PLD5: variants seen among roughly 807,000 people sequenced by gnomAD.
PLD5 encodes the protein phospholipase D family member 5.
A neutral mutation model predicts 61.1 loss-of-function variants in PLD5; 36 were observed. The observed-to-expected ratio is 0.59, with a 90% CI of 0.45 to 0.78. PLD5 has a LOEUF of 0.78. Ranked by LOEUF, PLD5 falls within the 30% of genes least tolerant of loss-of-function variation. The pLI is 0.00. For synonymous variants in PLD5, 243 were observed against 242.8 expected (o/e 1.00, Z -0.01); for missense variants, 515 against 644.4 (o/e 0.80, Z 2.17).
chr1:242,468,807 A>C (rs548920269), intron 1 of PLD5, among the ~76,000 whole-genome samples: 2 of 152,148 alleles, frequency 1.3e-5, no homozygotes, highest in Non-Finnish European at 2.9e-5. Context: ...ACCACAGCAA[A>C]CACTTCCATA....
intron 5 of PLD5, among the ~76,000 whole-genome samples, chr1:242,163,127 CTTTTA>C (rs1281156694): frequency 3.9e-4 from 45 of 116,386 alleles, no homozygotes; most frequent in African/African-American, 1.4e-3. Flanking sequence ...TCCCTCAAGT[CTTTTA>C]TTTTCTTTTC....
chr1:242,220,714 ATTT>A (rs370538246), intron 4 of PLD5, among the ~76,000 whole-genome samples: 43,010 of 133,868 alleles, frequency 0.32, 6,549 homozygotes, highest in East Asian at 0.48. Flanking sequence ...TTTATATTTT[ATTT>A]TATTTTATTT....
At chr1:242,330,707 A>T (rs1359049987) in intron 2 of PLD5, among the ~76,000 whole-genome samples, 3 of 152,214 alleles carry the variant, frequency 2.0e-5, no homozygotes, top group Non-Finnish European at 4.4e-5. Flanking sequence ...ACAGACGTTT[A>T]AAAAAAGCTA....
chr1:242,111,207 C>T lies in PLD5; in HGVS notation c.1070+2683G>A, dbSNP rs139506025. 1.1e-3 allele frequency among the ~76,000 whole-genome samples: 167 copies of T among 152,140 alleles called. 1 individual carries two copies. Among genetic ancestry groups the T allele is most frequent in the African/African-American group, 4.0e-3 (164 of 41,514 alleles). ...GAGTAGCTGGGATTATAGGTGTCTGCCACCATGCCCAGCTAATTTTTGTAC... is the reference window on the plus strand; with the variant it reads ...GAGTAGCTGGGATTATAGGTGTCTGTCACCATGCCCAGCTAATTTTTGTAC... On this transcript the variant is annotated intron_variant, in intron 7 of 9. Coordinates refer to ENST00000536534, the MANE Select transcript of PLD5 (RefSeq NM_001372062.1).
At chr1:242,378,063 A>G (rs1662066507) in intron 1 of PLD5, among the ~76,000 whole-genome samples, 1 of 152,248 alleles carries the variant, frequency 6.6e-6, no homozygotes, top group African/African-American at 2.4e-5. Context: ...AGAGAAATGT[A>G]CAACAATGTT....
At chr1:242,254,120 A>G (rs1303738385) in intron 4 of PLD5, among the ~76,000 whole-genome samples, 1 of 152,232 alleles carries the variant, frequency 6.6e-6, no homozygotes, top group East Asian at 1.9e-4. Context: ...AGAAAATCAC[A>G]GATCTAGGTT....
intron 1 of PLD5, among the ~76,000 whole-genome samples, chr1:242,494,300 G>A (rs1433440910): frequency 6.6e-6 from 1 of 151,998 alleles, no homozygotes; most frequent in Non-Finnish European, 1.5e-5. Context: ...GGCACACTTA[G>A]GCATGTGGCA....
Position 242,089,411 on chromosome 1 carries a change from C to T in PLD5, c.*443G>A. On this transcript the variant is annotated 3_prime_UTR_variant, in exon 10 of 10. Transcript: ENST00000536534. ...CTGTGTAGGTCTTGGAGACGATTTA[C>T]AAGAATAAACACTTGGTTTTATCAG... The T allele has an allele frequency of 7.5e-6, 3 of 397,972 alleles. No homozygotes were observed. Among genetic ancestry groups the T allele is most frequent in the Non-Finnish European group, 8.8e-6 (2 of 226,170 alleles). 24.7% of individuals were successfully genotyped at this position (397,972 alleles called of 1,614,324 possible). A position where few individuals can be genotyped will look rare whatever the true frequency, so the allele number is the denominator to read the frequency against.
In PLD5 at chr1:242,256,780, A is replaced by G. The variant is rs2149090946; in HGVS notation, c.607+8557T>C. On this transcript the variant is annotated intron_variant, in intron 4 of 9. Coordinates refer to ENST00000536534, the MANE Select transcript of PLD5 (RefSeq NM_001372062.1). This position sits in a 1 kb window ranked among gnomAD's most constrained non-coding sequence, Gnocchi z 5.7. ...TATCTATCTATCTATCTATCTATCTATCTATCTATCTATCTATTAATATCT... is the reference window on the plus strand; with the variant it reads ...TATCTATCTATCTATCTATCTATCTGTCTATCTATCTATCTATTAATATCT... Among the ~76,000 whole-genome samples the G allele has an allele frequency of 6.6e-6, 1 of 151,928 alleles. No homozygotes were observed. The highest frequency in any genetic ancestry group is 2.1e-4 in the South Asian group (1 of 4,802).
chr1:242,238,818 G>A (rs1420774148), intron 4 of PLD5, among the ~76,000 whole-genome samples: 1 of 152,170 alleles, frequency 6.6e-6, no homozygotes, highest in Non-Finnish European at 1.5e-5. Context: ...TGACTCTGGG[G>A]CCTAGCAGGG....
chr1:242,329,394 TG>T (rs201105133), intron 2 of PLD5, among the ~76,000 whole-genome samples: 1 of 152,132 alleles, frequency 6.6e-6, no homozygotes, highest in African/African-American at 2.4e-5. Flanking sequence ...CATCCATTCC[TG>T]GGGGGCTATG....
intron 5 of PLD5, among the ~76,000 whole-genome samples, chr1:242,193,965 A>AAGTATCC (rs1360512234): frequency 4.6e-5 from 7 of 152,232 alleles, no homozygotes; most frequent in Non-Finnish European, 7.3e-5. Context: ...CCAAGGGGCT[A>AAGTATCC]ACAAGCTGTG....
At chr1:242,369,585 T>C (rs889373220) in intron 1 of PLD5, among the ~76,000 whole-genome samples, 1 of 152,194 alleles carries the variant, frequency 6.6e-6, no homozygotes, top group African/African-American at 2.4e-5. Context: ...CATAAAACTA[T>C]TGACAGTGGT....
intron 1 of PLD5, among the ~76,000 whole-genome samples, chr1:242,370,340 C>A (rs71535386): frequency 2.0e-5 from 3 of 152,132 alleles, no homozygotes; most frequent in Admixed American, 6.5e-5. Flanking sequence ...TGATGCACTG[C>A]GCTTATAATA....
chr1:242,112,552 A>C (rs1033431786), intron 7 of PLD5, among the ~76,000 whole-genome samples: 13 of 152,154 alleles, frequency 8.5e-5, no homozygotes, highest in African/African-American at 3.1e-4. Context: ...AATAATATGA[A>C]TCTTGCAGCT....
chr1:242,155,817 G>T (rs1392621545), intron 5 of PLD5, among the ~76,000 whole-genome samples: 2 of 152,158 alleles, frequency 1.3e-5, no homozygotes, highest in African/African-American at 4.8e-5. Context: ...TGAGAAGCAT[G>T]TATATTCTGT....
intron 4 of PLD5, among the ~76,000 whole-genome samples, chr1:242,232,227 AG>A (rs990127070): frequency 2.0e-5 from 3 of 152,214 alleles, no homozygotes; most frequent in African/African-American, 7.2e-5. Flanking sequence ...ACTTTCAGAG[AG>A]GAAATGAACA....
At chr1:242,154,774 ATGTTC>A (rs1558280570) in intron 5 of PLD5, among the ~76,000 whole-genome samples, 1 of 152,234 alleles carries the variant, frequency 6.6e-6, no homozygotes, top group African/African-American at 2.4e-5. Context: ...TTTCACCTCG[ATGTTC>A]ATCAGTAATA....
At chr1:242,190,841 A>G (rs1264275078) in intron 5 of PLD5, among the ~76,000 whole-genome samples, 1 of 152,214 alleles carries the variant, frequency 6.6e-6, no homozygotes, top group East Asian at 1.9e-4. Context: ...TTGTGTTAGT[A>G]GCTTAGAAAC....
Sources: gnomAD v4.1 joint callset for allele counts (sites outside exome capture counted in the v4.1 genomes callset) on GRCh38, gnomAD v4.1.1 for gene constraint, Gnocchi (gnomAD v3.1) non-coding constraint, MANE v1.5 for transcripts, NCBI Gene and HGNC (gene_info 2026-07-23, HGNC 2026-07-21) for gene names.